The following USF3 variants were observed in gnomAD, a reference collection of about 807,000 sequenced individuals.
USF3 encodes basic helix-loop-helix domain-containing protein USF3.
USF3 carries 29 observed loss-of-function variants against 157.5 expected under a neutral mutation model. The observed-to-expected ratio is 0.18, with a 90% CI of 0.14 to 0.25. USF3 has a LOEUF of 0.25. Among genes scored for constraint, USF3 ranks in the 10% least tolerant of loss-of-function variants. The probability of loss-of-function intolerance (pLI) is 1.00; values close to 1 mark genes in which losing one functional copy is unlikely to be tolerated. For missense variants in USF3, 2,381 were observed against 2,667.6 expected, an observed-to-expected ratio of 0.89 and a Z score of 2.37; for synonymous variants, 893 against 941.4, an observed-to-expected ratio of 0.95 and a Z score of 0.94.
intron 5 of USF3, among the ~76,000 whole-genome samples, chr3:113,668,779 A>C (rs1205900288): frequency 6.6e-6 from 1 of 152,184 alleles, no homozygotes; most frequent in Non-Finnish European, 1.5e-5. Flanking sequence ...CCACAAACAT[A>C]TGGTAGGAAA....
chr3:113,656,231 T>C lies in USF3; in HGVS notation c.5451A>G (p.Gln1817=), dbSNP rs772601623. 3.6e-5 allele frequency: 58 copies of C among 1,614,140 alleles called. No individual in the cohort carries two copies. In the South Asian group the frequency reaches 6.0e-4, roughly 17 times the overall value. The change falls in exon 7 of 7, where the codon CAA becomes CAG. Residue 1817 remains glutamine, a synonymous_variant. Coordinates refer to ENST00000316407, the MANE Select transcript of USF3 (RefSeq NM_001009899.4). Reference sequence around the variant, plus strand: ...GGGCAAGTAAGCTCTGCATGAAACTTTGGTGACAAGTATTTTCACTGTCCC... The same window carrying C: ...GGGCAAGTAAGCTCTGCATGAAACTCTGGTGACAAGTATTTTCACTGTCCC... ...PSRDSENTCH[Q]SFMQSLLAPH...
At chr3:113,666,633 G>A (rs367831602) in intron 5 of USF3, among the ~76,000 whole-genome samples, 5 of 146,592 alleles carry the variant, frequency 3.4e-5, no homozygotes, top group Non-Finnish European at 7.5e-5. Context: ...GTGTAGTGGC[G>A]CGATCTCAGC....
In USF3 at chr3:113,657,153, T is replaced by C. The variant is rs780120777; in HGVS notation, c.4529A>G (p.His1510Arg). Residue 1510 changes from histidine (H) to arginine (R), a missense_variant, in exon 7 of 7, where the codon CAC becomes CGC. His to Arg is a conservative substitution (Grantham distance 29, BLOSUM62 0). Coordinates refer to ENST00000316407, the MANE Select transcript of USF3 (RefSeq NM_001009899.4). The part of the protein sequence containing the change: ...SSVHSQPHNV[H>R]QQRTLQQEVQ... ...TTCCTGTTGCAGAGTCCTCTGTTGG[T>C]GGACATTATGGGGCTGAGAGTGGAC... 335 of 1,614,012 alleles carry C rather than the reference T, an allele frequency of 2.1e-4. No individual in the cohort carries two copies. Among genetic ancestry groups the C allele is most frequent in the Non-Finnish European group, 2.5e-4 (295 of 1,180,022 alleles).
intron 1 of USF3, among the ~76,000 whole-genome samples, chr3:113,687,160 T>C (rs1707570039): frequency 6.6e-6 from 1 of 152,070 alleles, no homozygotes; most frequent in South Asian, 2.1e-4. Context: ...TAATATGTTG[T>C]TCAAATTGTC....
At chr3:113,694,509 G>A (rs1257113017) in intron 1 of USF3, among the ~76,000 whole-genome samples, 1 of 152,174 alleles carries the variant, frequency 6.6e-6, no homozygotes, top group African/African-American at 2.4e-5. Flanking sequence ...ATCAGCGAAT[G>A]TTCTAGGCTG....
rs745953253 is a variant in USF3, at chr3:113,655,028, G to C, written c.6654C>G (p.Ala2218=). Residue 2218 remains alanine (A), a synonymous_variant, in exon 7 of 7, where the codon GCC becomes GCG. Transcript: ENST00000316407. ...SPLLTIANSS[A]SDSSKQSSNR... ...TTGAGGACTGCTTGGAAGAGTCAGA[G>C]GCAGAGGAATTTGCTATTGTAAGCA... is the stretch of plus-strand genomic sequence containing the variant. The C allele has an allele frequency of 3.1e-6, 5 of 1,614,118 alleles. No homozygotes were observed. The South Asian group carries it at 5.5e-5, about 18-fold the overall frequency.
chr3:113,680,407 G>A (rs1021360042), intron 1 of USF3, among the ~76,000 whole-genome samples: 1 of 151,824 alleles, frequency 6.6e-6, no homozygotes, highest in African/African-American at 2.4e-5. Flanking sequence ...AGTCTGTAAT[G>A]ATCCTTTGAA....
In USF3 at chr3:113,657,693, C is replaced by G. The variant is rs377383163; in HGVS notation, c.3989G>C (p.Arg1330Pro). Reference sequence around the variant, plus strand: ...CAGTAAAAGGTCATCTTGGACAGCACGCTTAGCAGAATCCTTACGGCTTTC... The same window carrying G: ...CAGTAAAAGGTCATCTTGGACAGCAGGCTTAGCAGAATCCTTACGGCTTTC... ...SHESRKDSAK[R>P]AVQDDLLLSS... The change falls in exon 7 of 7, where the codon CGT becomes CCT. Residue 1330 changes from arginine (R) to proline (P), a missense_variant. Around this residue, in one of 6 missense-constraint regions of USF3, gnomAD observed 1,435 missense variants for 1,550.9 expected, o/e 0.93. Transcript: ENST00000316407. The G allele has an allele frequency of 6.2e-7, 1 of 1,614,132 alleles. No homozygotes were observed. The highest frequency in any genetic ancestry group is 1.3e-5 in the African/African-American group (1 of 75,012).
chr3:113,684,337 TTTGAG>T (rs1707501203), intron 1 of USF3, among the ~76,000 whole-genome samples: 2 of 152,170 alleles, frequency 1.3e-5, no homozygotes, highest in African/African-American at 2.4e-5. Context: ...GATAGTCTTC[TTTGAG>T]TTAATTTTTC....
intron 1 of USF3, among the ~76,000 whole-genome samples, chr3:113,681,595 T>TTTCACCATGTTGGCC (rs1454014484): frequency 1.4e-5 from 2 of 147,326 alleles, no homozygotes; most frequent in Admixed American, 1.4e-4. Flanking sequence ...AGAGACGGGG[T>TTTCACCATGTTGGCC]TTCACCATGT....
Position 113,652,418 on chromosome 3 carries a change from T to C in USF3, c.*2526A>G, listed in dbSNP as rs1452644652. On this transcript the variant is annotated 3_prime_UTR_variant, in exon 7 of 7. Coordinates refer to ENST00000316407, the MANE Select transcript of USF3 (RefSeq NM_001009899.4). The stretch of plus-strand genomic sequence containing the variant: ...ACTTATTCATGAAGCTCTCCTATTC[T>C]TCCCCAAGACCATTTTGAAGAAAGA... 6.6e-6 allele frequency: 1 copy of C among 152,080 alleles called. No individual in the cohort carries two copies. Among genetic ancestry groups the C allele is most frequent in the Non-Finnish European group, 1.5e-5 (1 of 68,018 alleles). 9.4% of individuals were successfully genotyped at this position (152,080 alleles called of 1,614,324 possible).
Position 113,656,805 on chromosome 3 carries a change from G to A in USF3, c.4877C>T (p.Pro1626Leu). 1 of 1,614,156 alleles carries A rather than the reference G, an allele frequency of 6.2e-7. No individual in the cohort carries two copies. Among genetic ancestry groups the A allele is most frequent in the Non-Finnish European group, 8.5e-7 (1 of 1,180,018 alleles). Residue 1626 changes from proline (P) to leucine (L), a missense_variant, in exon 7 of 7, where the codon CCA becomes CTA. Pro to Leu is a moderately conservative substitution (Grantham distance 98, BLOSUM62 -3). This residue lies in a region of USF3 where 770 missense variants were observed against 824.2 expected (regional missense o/e 0.93). Transcript: ENST00000316407. ...TCTTGATGTCAAAAGCCTCTGCATT[G>A]GATTATGGCCAGATACATGTTCAGA... The part of the protein sequence containing the change: ...VSSEHVSGHN[P>L]MQRLLTSRGL...
At chr3:113,669,936 C>T (rs1251801613) in intron 5 of USF3, among the ~76,000 whole-genome samples, 185 bp downstream of exon 5, 1 of 151,936 alleles carries the variant, frequency 6.6e-6, no homozygotes, top group African/African-American at 2.4e-5. Context: ...GTACATTTGA[C>T]CATGAAGAAA....
At chr3:113,670,525 G>C (rs184553228) in intron 4 of USF3, among the ~76,000 whole-genome samples, 2 of 152,014 alleles carry the variant, frequency 1.3e-5, no homozygotes, top group Non-Finnish European at 2.9e-5. Context: ...CTTGAAACCC[G>C]GGAGATGGAG....
intron 1 of USF3, among the ~76,000 whole-genome samples, chr3:113,690,665 G>A (rs1229233696): frequency 6.6e-6 from 1 of 152,118 alleles, no homozygotes; most frequent in African/African-American, 2.4e-5. Context: ...CCACTGAAAT[G>A]ACCTTTCCAC....
intron 1 of USF3, among the ~76,000 whole-genome samples, chr3:113,678,447 C>T (rs1707332715): frequency 6.6e-6 from 1 of 151,914 alleles, no homozygotes; most frequent in Non-Finnish European, 1.5e-5. Context: ...CAGGTGAAAG[C>T]CAGGAATTTA....
In USF3 at chr3:113,658,974, G is replaced by A. The variant is rs1240449420; in HGVS notation, c.2708C>T (p.Ala903Val). The A allele has an allele frequency of 1.2e-6, 2 of 1,614,166 alleles. No homozygotes were observed. Among genetic ancestry groups the A allele is most frequent in the South Asian group, 2.2e-5 (2 of 91,084 alleles). Residue 903 changes from alanine to valine, a missense_variant, in exon 7 of 7, where the codon GCA (alanine) becomes GTA (valine). Physicochemically the swap from Ala to Val is moderately conservative, Grantham distance 64 (BLOSUM62 0). Around this residue, in one of 6 missense-constraint regions of USF3, gnomAD observed 1,435 missense variants for 1,550.9 expected, o/e 0.93. Coordinates refer to ENST00000316407, the MANE Select transcript of USF3 (RefSeq NM_001009899.4). The stretch of plus-strand genomic sequence containing the variant: ...ATCTTTGGATTTTGCTGCGGCCATT[G>A]CAAAATGTTCACTTGTTACAGATTC... Reference protein sequence around the residue: ...SQESVTSEHFAMAAAKSKDST... With the variant: ...SQESVTSEHFVMAAAKSKDST...
rs1947359269 is a variant in USF3, at chr3:113,656,376, C to T, written c.5306G>A (p.Ser1769Asn). 6.2e-7 allele frequency: 1 copy of T among 1,614,162 alleles called. No individual in the cohort carries two copies. The highest frequency in any genetic ancestry group is 2.2e-5 in the East Asian group (1 of 44,886). ...EIGNPVSSLR[S>N]MQSQAFRISQ... is the part of the protein sequence containing the mutation. ...AATTCGAAAAGCCTGGGACTGCATA[C>T]TCCGCAATGATGATACAGGGTTACC... The change falls in exon 7 of 7, where the codon AGT becomes AAT. Residue 1769 changes from serine to asparagine, a missense_variant. Around this residue, in one of 6 missense-constraint regions of USF3, gnomAD observed 770 missense variants for 824.2 expected, o/e 0.93. Coordinates refer to ENST00000316407, the MANE Select transcript of USF3 (RefSeq NM_001009899.4).
At position 113,655,990 on chromosome 3, in the gene USF3, A is replaced by C; in HGVS notation, c.5692T>G (p.Ser1898Ala). Reference sequence around the variant, plus strand: ...ATATCTCCTGAGGAAGAGGAACTTGAAAAAGGAATATTCAAGGTGCTGTTC... The same window carrying C: ...ATATCTCCTGAGGAAGAGGAACTTGCAAAAGGAATATTCAAGGTGCTGTTC... ...TRNSTLNIPF[S>A]SSSSSGDIQG... is the part of the protein sequence containing the mutation. The change falls in exon 7 of 7, where the codon TCA becomes GCA. Residue 1898 changes from serine to alanine, a missense_variant. This residue lies in a region of USF3 where 770 missense variants were observed against 824.2 expected (regional missense o/e 0.93). Transcript: ENST00000316407. 1.9e-6 allele frequency: 3 copies of C among 1,614,148 alleles called. No homozygotes were observed. Among genetic ancestry groups the C allele is most frequent in the Non-Finnish European group, 2.5e-6 (3 of 1,180,012 alleles).
Sources: allele counts gnomAD v4.1 joint callset (sites outside exome capture counted in the v4.1 genomes callset), GRCh38; gene constraint gnomAD v4.1.1; regional missense constraint gnomAD v4.1.1; transcripts MANE v1.5; gene names NCBI Gene and HGNC (gene_info 2026-07-23, HGNC 2026-07-21).